The following CREG2 variants were observed in gnomAD, a reference collection of about 807,000 sequenced individuals.
CREG2 encodes cellular repressor of E1A stimulated genes 2.
A neutral mutation model predicts 26.2 loss-of-function variants in CREG2; 24 were observed. That is an observed-to-expected ratio of 0.92 (90% CI 0.66 to 1.29). The LOEUF (loss-of-function observed/expected upper bound fraction) is 1.29. Among genes scored for constraint, CREG2 ranks in the 50% most tolerant of loss-of-function variants. The probability of loss-of-function intolerance (pLI) is 0.00; values close to 1 mark genes in which losing one functional copy is unlikely to be tolerated. For synonymous variants in CREG2, 174 were observed against 169.2 expected (o/e 1.03, Z -0.22); for missense variants, 366 against 398.6 (o/e 0.92, Z 0.70).
chr2:101,351,887 A>C (rs1650740775), intron 3 of CREG2, among the ~76,000 whole-genome samples: 1 of 151,534 alleles, frequency 6.6e-6, no homozygotes, highest in South Asian at 2.1e-4. Context: ...TTTATTTATT[A>C]AAAAATTTTT....
intron 2 of CREG2, among the ~76,000 whole-genome samples, chr2:101,381,802 CACAGGTGTTTGCGTGTCCT>C (rs1432396320): frequency 6.6e-6 from 1 of 152,202 alleles, no homozygotes; most frequent in African/African-American, 2.4e-5. Context: ...CAGGGGGCTG[CACAGGTGTTTGCGTGTCCT>C]ACATGTGGCC....
chr2:101,368,894 A>G (rs76314443), intron 2 of CREG2, among the ~76,000 whole-genome samples: 19,843 of 152,082 alleles, frequency 0.13, 1,519 homozygotes, highest in East Asian at 0.23. Context: ...AACTGTGGGA[A>G]ATAAGTTTCT....
intron 2 of CREG2, among the ~76,000 whole-genome samples, chr2:101,370,221 T>G (rs1684683467): frequency 6.6e-6 from 1 of 152,198 alleles, no homozygotes; most frequent in African/African-American, 2.4e-5. Context: ...TCTATAACTC[T>G]TCATGTATAC....
intron 2 of CREG2, among the ~76,000 whole-genome samples, chr2:101,366,787 A>T (rs754898132): frequency 6.6e-6 from 1 of 152,298 alleles, no homozygotes; most frequent in Non-Finnish European, 1.5e-5. Flanking sequence ...GCGCCACTGC[A>T]TTCCAGCCTG....
In CREG2 at chr2:101,351,045, G is replaced by A; in HGVS notation, c.751C>T (p.Arg251Cys). 4 of 1,614,030 alleles carry A rather than the reference G, an allele frequency of 2.5e-6. No individual in the cohort carries two copies. The highest frequency in any genetic ancestry group is 2.2e-5 in the East Asian group (1 of 44,882). The change falls in exon 4 of 4, where the codon CGT becomes TGT. Residue 251 changes from arginine (R) to cysteine (C), a missense_variant. By Grantham distance (180) the Arg-to-Cys change is radical. Transcript: ENST00000324768. The stretch of plus-strand genomic sequence containing the variant: ...TTCATAAAGAACCATTCATATTGAC[G>A]AGGCCACTTCCTCATCCCTGGGTGC... ...SRHPGMRKWP[R>C]QYEWFFMKMR...
At chr2:101,355,204 A>G in intron 3 of CREG2, 49 bp downstream of exon 3, 2 of 1,200,328 alleles carry the variant, frequency 1.7e-6, no homozygotes, top group Non-Finnish European at 2.5e-6. Context: ...ACCTCTGCTT[A>G]TTAGTATTGT....
chr2:101,372,080 G>T (rs920489732), intron 2 of CREG2, among the ~76,000 whole-genome samples: 2 of 152,162 alleles, frequency 1.3e-5, no homozygotes, highest in African/African-American at 4.8e-5. Context: ...TACAGATGGG[G>T]AATGAGGATG....
chr2:101,350,942 G>A lies in CREG2; in HGVS notation c.854C>T (p.Ala285Val). The A allele has an allele frequency of 6.2e-7, 1 of 1,614,152 alleles. No homozygotes were observed. Residue 285 changes from alanine to valine, a missense_variant, in exon 4 of 4, where the codon GCA (alanine) becomes GTA (valine). Ala to Val is a moderately conservative substitution (Grantham distance 64). Around this residue, in one of 3 missense-constraint regions of CREG2, gnomAD observed 174 missense variants for 178.2 expected, o/e 0.98. Transcript: ENST00000324768. The stretch of plus-strand genomic sequence containing the variant: ...ACTCCATCAGGCCTTTCTGGGAACT[G>A]CTTTGAAATATTCCTCCCTTGAAAT... Reference protein sequence around the residue: ...SSISREEYFKAVPRKA With the variant: ...SSISREEYFKVVPRKA
In CREG2 at chr2:101,383,703, C is replaced by T; in HGVS notation, c.442-1G>A. On this transcript the variant is annotated splice_acceptor_variant, in intron 1 of 3. Transcript: ENST00000324768. LOFTEE classifies it high-confidence loss of function. ...AGTTCCCAAATGGCAGTCCTTGGAT[C>T]TAACAAACACCAAAAAAGGCTTTTT... is the stretch of plus-strand genomic sequence containing the variant. The T allele has an allele frequency of 1.3e-6, 2 of 1,593,684 alleles. No individual in the cohort carries two copies. The highest frequency in any genetic ancestry group is 1.8e-5 in the Admixed American group (1 of 56,478).
At chr2:101,368,281 C>T (rs1684649396) in intron 2 of CREG2, among the ~76,000 whole-genome samples, 1 of 147,246 alleles carries the variant, frequency 6.8e-6, no homozygotes, top group Non-Finnish European at 1.5e-5. Flanking sequence ...GCGTGAGACT[C>T]CATCTCAAAA....
At chr2:101,366,812 A>G (rs1684624693) in intron 2 of CREG2, among the ~76,000 whole-genome samples, 1 of 152,076 alleles carries the variant, frequency 6.6e-6, no homozygotes, top group South Asian at 2.1e-4. Context: ...ACAGAGTGAG[A>G]CTCTGTCTCA....
intron 3 of CREG2, among the ~76,000 whole-genome samples, chr2:101,354,934 T>TCAAGTGGATGCTTGAAAACGTTGTG (rs1279985299): frequency 6.6e-6 from 1 of 151,848 alleles, no homozygotes; most frequent in Non-Finnish European, 1.5e-5. Context: ...GGGCTTTGTT[T>TCAAGTGGATGCTTGAAAACGTTGTG]CAAGTGGATG....
intron 1 of CREG2, among the ~76,000 whole-genome samples, chr2:101,386,173 A>C (rs1396738747): frequency 6.6e-6 from 1 of 152,264 alleles, no homozygotes; most frequent in African/African-American, 2.4e-5. Flanking sequence ...AGGAAAGCAA[A>C]GTGGAGAAGC....
At chr2:101,353,396 C>G (rs1684410892) in intron 3 of CREG2, among the ~76,000 whole-genome samples, 2 of 152,122 alleles carry the variant, frequency 1.3e-5, no homozygotes, top group African/African-American at 4.8e-5. Context: ...TAGAGAAATG[C>G]AAATCAAAAC....
chr2:101,362,590 C>T (rs559011856), intron 2 of CREG2, among the ~76,000 whole-genome samples: 13 of 152,112 alleles, frequency 8.5e-5, no homozygotes, highest in Non-Finnish European at 1.5e-4. Context: ...TAAAGAAGCA[C>T]CCTGGGGTGT....
intron 2 of CREG2, among the ~76,000 whole-genome samples, chr2:101,373,025 T>C (rs1321651629): frequency 2.0e-5 from 3 of 152,192 alleles, no homozygotes; most frequent in Non-Finnish European, 4.4e-5. Context: ...ATCAGAACCC[T>C]CATACATTTA....
At chr2:101,352,265 A>G (rs955708897) in intron 3 of CREG2, among the ~76,000 whole-genome samples, 5 of 152,194 alleles carry the variant, frequency 3.3e-5, no homozygotes, top group African/African-American at 7.2e-5. Flanking sequence ...AAACTATTTT[A>G]TTTTCTTAAT....
At position 101,377,107 on chromosome 2, in the gene CREG2, G is replaced by A. The variant is rs558140428; in HGVS notation, c.611+6426C>T. Among the ~76,000 whole-genome samples the A allele has an allele frequency of 3.9e-5, 6 of 152,146 alleles. No individual in the cohort carries two copies. In the East Asian group the frequency reaches 7.7e-4, roughly 20 times the overall value. On this transcript the variant is annotated intron_variant, in intron 2 of 3. Transcript: ENST00000324768. ...AAAGATGTTTTACTTGTACTAAAAC[G>A]ATCTGTCCACAAATATAAAACTCTA...
At chr2:101,355,389 G>A (rs781544858) in intron 2 of CREG2, 23 bp from the exon 3 acceptor site, 4 of 1,481,406 alleles carry the variant, frequency 2.7e-6, no homozygotes, top group Non-Finnish European at 2.8e-6. Context: ...AACATTTTTT[G>A]TATATCAGAA....
Sources: allele counts gnomAD v4.1 joint callset (sites outside exome capture counted in the v4.1 genomes callset), GRCh38; gene constraint gnomAD v4.1.1; regional missense constraint gnomAD v4.1.1; transcripts MANE v1.5; gene names NCBI Gene and HGNC (gene_info 2026-07-23, HGNC 2026-07-21).